The following PRKDC variants were observed in gnomAD, a reference collection of about 807,000 sequenced individuals.
The protein encoded by PRKDC is DNA-dependent protein kinase catalytic subunit.
A neutral mutation model predicts 486.9 loss-of-function variants in PRKDC; 82 were observed. The observed-to-expected ratio is 0.17, with a 90% CI of 0.14 to 0.20. The LOEUF (loss-of-function observed/expected upper bound fraction) is 0.20, where lower values mean the gene tolerates loss of function less well. Among genes scored for constraint, PRKDC ranks in the 10% least tolerant of loss-of-function variants. PRKDC has a pLI of 1.00. For missense variants in PRKDC, 4,504 were observed against 5,038.2 expected, an observed-to-expected ratio of 0.89 and a Z score of 3.21; for synonymous variants, 1,895 against 1,837.0, an observed-to-expected ratio of 1.03 and a Z score of -0.81.
intron 10 of PRKDC, among the ~76,000 whole-genome samples, chr8:47,940,814 T>A (rs1348370535): frequency 2.0e-5 from 3 of 152,166 alleles, no homozygotes; most frequent in African/African-American, 7.2e-5. Flanking sequence ...CTATGGCTCA[T>A]AAATATCATA....
intron 78 of PRKDC, among the ~76,000 whole-genome samples, 173 bp downstream of exon 78, chr8:47,783,569 A>C (rs553067702): frequency 6.6e-6 from 1 of 152,228 alleles, no homozygotes; most frequent in African/African-American, 2.4e-5. Context: ...CAGCCCAGGC[A>C]ACAGGGCAAG....
At chr8:47,887,761 C>A (rs1231752481) in intron 34 of PRKDC, 56 bp from the exon 35 acceptor site, 9 of 1,502,198 alleles carry the variant, frequency 6.0e-6, no homozygotes, top group Non-Finnish European at 8.0e-6. Context: ...TAGAAAAAAA[C>A]AACTTCACTC....
intron 52 of PRKDC, among the ~76,000 whole-genome samples, chr8:47,850,281 A>G (rs1342049712): frequency 6.6e-6 from 1 of 152,366 alleles, no homozygotes; most frequent in East Asian, 1.9e-4. Flanking sequence ...CAGACCGAAC[A>G]GTTTTTCAAT....
intron 41 of PRKDC, 78 bp downstream of exon 41, chr8:47,864,478 C>A: frequency 7.7e-7 from 1 of 1,306,814 alleles, no homozygotes; most frequent in Non-Finnish European, 1.1e-6. Flanking sequence ...GGCCATGTGA[C>A]TGAGCACACA....
rs763979992 is a variant in PRKDC, at chr8:47,855,361, C to T, written c.6622G>A (p.Asp2208Asn). Residue 2208 changes from aspartate (D) to asparagine (N), a missense_variant, in exon 50 of 86, where the codon GAT becomes AAT. By Grantham distance (23) the Asp-to-Asn change is conservative. This residue lies in a region of PRKDC where 1,592 missense variants were observed against 1,724.6 expected (regional missense o/e 0.92). Transcript: ENST00000314191. ...GLATPTGVPK[D>N]EVLANRLLNF... ...AGCAATCGATTTGCTAACACTTCAT[C>T]TTTAGGGACCCCCTGAAAAGGTACA... 2 of 1,596,336 alleles carry T rather than the reference C, an allele frequency of 1.3e-6. No homozygotes were observed. Among genetic ancestry groups the T allele is most frequent in the Non-Finnish European group, 1.7e-6 (2 of 1,170,688 alleles).
chr8:47,833,924 A>C (rs1366795956), intron 59 of PRKDC, among the ~76,000 whole-genome samples: 2 of 152,108 alleles, frequency 1.3e-5, no homozygotes, highest in Non-Finnish European at 2.9e-5. Context: ...CTCTTGTTAC[A>C]ATCACCCCTT....
chr8:47,785,350 A>G, intron 76 of PRKDC, 33 bp from the exon 77 acceptor site: 2 of 1,496,136 alleles, frequency 1.3e-6, no homozygotes, highest in Non-Finnish European at 1.8e-6. Flanking sequence ...ATAAAGACTG[A>G]TGTTTAGTTT....
chr8:47,947,623 T>C (rs1322829705), intron 7 of PRKDC, among the ~76,000 whole-genome samples: 1 of 152,018 alleles, frequency 6.6e-6, no homozygotes, highest in Non-Finnish European at 1.5e-5. Context: ...CAAAAATTAG[T>C]TGGGGCCGGG....
intron 73 of PRKDC, among the ~76,000 whole-genome samples, chr8:47,795,580 C>G (rs2086968225): frequency 6.8e-6 from 1 of 147,676 alleles, no homozygotes; most frequent in Non-Finnish European, 1.5e-5. Flanking sequence ...GCAACCTTTG[C>G]TTTCTGGGTT....
rs565476637 is a variant in PRKDC, at chr8:47,945,676, C to T, written c.722-1647G>A. Reference sequence around the variant, plus strand: ...TGGATGAACACTTGGGTGGTTCTGGCCCTTTGGCTCACTATGGACTTGCTG... The same window carrying T: ...TGGATGAACACTTGGGTGGTTCTGGTCCTTTGGCTCACTATGGACTTGCTG... On this transcript the variant is annotated intron_variant, in intron 7 of 85. Coordinates refer to ENST00000314191, the MANE Select transcript of PRKDC (RefSeq NM_006904.7). Among the ~76,000 whole-genome samples the T allele has an allele frequency of 1.5e-3, 225 of 152,272 alleles. 5 individuals carry two copies. In the South Asian group the frequency reaches 0.046, roughly 31 times the overall value.
Position 47,820,899 on chromosome 8 carries a change from C to T in PRKDC, c.9156G>A (p.Leu3052=). 4 of 1,608,074 alleles carry T rather than the reference C, an allele frequency of 2.5e-6. No individual in the cohort carries two copies. Among genetic ancestry groups the T allele is most frequent in the Non-Finnish European group, 3.4e-6 (4 of 1,176,182 alleles). ...GGGACTGGTCAGCCTCTCCCTGGAG[C>T]AGCAGCTTCAGCTTGCTGCGGATCA... ...PYMIRSKLKL[L]LQGEADQSLL... is the part of the protein sequence containing the mutation. Residue 3052 remains leucine, a synonymous_variant, in exon 66 of 86, where the codon CTG becomes CTA. Transcript: ENST00000314191.
At chr8:47,911,761 T>TTTATTTAC (rs2089907448) in intron 25 of PRKDC, among the ~76,000 whole-genome samples, 1 of 151,510 alleles carries the variant, frequency 6.6e-6, no homozygotes, top group East Asian at 1.9e-4. Flanking sequence ...ATAGCTATTT[T>TTTATTTAC]TTATTTATTT....
At chr8:47,795,187 ACT>A (rs1408436384) in intron 73 of PRKDC, among the ~76,000 whole-genome samples, 10 of 106,278 alleles carry the variant, frequency 9.4e-5, no homozygotes, top group Admixed American at 1.0e-4. Context: ...TGCCTGGCCA[ACT>A]CTTTTTTTTT....
In PRKDC at chr8:47,915,331, T is replaced by C. The variant is rs764402579; in HGVS notation, c.2614A>G (p.Thr872Ala). ...ATTTATTTTAAAAGAAGTTTACCTGTCAGAAGATTTTTGTTTATTTGTCCT... is the reference window on the plus strand; with the variant it reads ...ATTTATTTTAAAAGAAGTTTACCTGCCAGAAGATTTTTGTTTATTTGTCCT... ...LGGQINKNLL[T>A]VTSSDEMMKS... The change falls in exon 23 of 86, where the codon ACA becomes GCA. Residue 872 changes from threonine to alanine, a missense_variant. Physicochemically the swap from Thr to Ala is moderately conservative, Grantham distance 58. Around this residue, in one of 6 missense-constraint regions of PRKDC, gnomAD observed 1,969 missense variants for 2,068.9 expected, o/e 0.95. Coordinates refer to ENST00000314191, the MANE Select transcript of PRKDC (RefSeq NM_006904.7). 5 of 1,517,950 alleles carry C rather than the reference T, an allele frequency of 3.3e-6. No homozygotes were observed. The highest frequency in any genetic ancestry group is 4.5e-6 in the Non-Finnish European group (5 of 1,115,568). The allele number at this position is 1,517,950 out of a possible 1,614,324, so 94.0% of individuals were successfully genotyped here. A position where few individuals can be genotyped will look rare whatever the true frequency, so the allele number is the denominator to read the frequency against.
At chr8:47,835,397 C>T (rs911002606) in intron 58 of PRKDC, among the ~76,000 whole-genome samples, 1 of 151,808 alleles carries the variant, frequency 6.6e-6, no homozygotes, top group African/African-American at 2.4e-5. Context: ...GGCGTGGTGG[C>T]TCACAAGGTC....
intron 7 of PRKDC, among the ~76,000 whole-genome samples, chr8:47,949,336 T>C (rs1053384180): frequency 3.9e-5 from 6 of 152,250 alleles, no homozygotes; most frequent in African/African-American, 1.4e-4. Context: ...CGCAAGTCAC[T>C]GTGTAACTTG....
intron 5 of PRKDC, 53 bp downstream of exon 5, chr8:47,954,285 T>G: frequency 1.3e-6 from 1 of 761,980 alleles, no homozygotes; most frequent in Non-Finnish European, 1.9e-6. Context: ...GCTAATAATT[T>G]GTTAATATTA....
intron 22 of PRKDC, among the ~76,000 whole-genome samples, chr8:47,915,682 T>A (rs1370978001): frequency 6.6e-6 from 1 of 152,200 alleles, no homozygotes; most frequent in African/African-American, 2.4e-5. Context: ...CTAAACCCAT[T>A]ACATGTTATA....
At position 47,929,707 on chromosome 8, in the gene PRKDC, T is replaced by C. The variant is rs2090218263; in HGVS notation, c.2052+146A>G. Reference sequence around the variant, plus strand: ...TTTTTAGAGTGCTATCCAACTGCCATTCACATATCAATTTTTTTAAACACA... The same window carrying C: ...TTTTTAGAGTGCTATCCAACTGCCACTCACATATCAATTTTTTTAAACACA... On this transcript the variant is annotated intron_variant, in intron 18 of 85. Coordinates refer to ENST00000314191, the MANE Select transcript of PRKDC (RefSeq NM_006904.7). The C allele has an allele frequency of 8.6e-6, 8 of 926,188 alleles. No individual in the cohort carries two copies. The East Asian group carries it at 2.4e-4, about 28-fold the overall frequency. The allele number at this position is 926,188 out of a possible 1,614,324, so 57.4% of individuals were successfully genotyped here.
Sources: allele counts gnomAD v4.1 joint callset (sites outside exome capture counted in the v4.1 genomes callset), GRCh38; gene constraint gnomAD v4.1.1; regional missense constraint gnomAD v4.1.1; transcripts MANE v1.5; gene names NCBI Gene and HGNC (gene_info 2026-07-23, HGNC 2026-07-21).